Variants in PPP3CA observed in about 807,000 individuals in gnomAD.
The protein encoded by PPP3CA is CAM-PRP catalytic subunit.
In PPP3CA, 14 loss-of-function variants were observed where a neutral mutation model predicts 66.5. The ratio of observed to expected loss-of-function variants is 0.21; its 90% CI spans 0.14 to 0.33. The LOEUF (loss-of-function observed/expected upper bound fraction) is 0.33. PPP3CA is among the 10% of genes least tolerant of loss of function. The pLI is 1.00. For missense variants in PPP3CA, 317 were observed against 639.5 expected, an observed-to-expected ratio of 0.50 and a Z score of 5.44; for synonymous variants, 232 against 226.2, an observed-to-expected ratio of 1.03 and a Z score of -0.23.
At chr4:101,192,718 C>T (rs1383681171) in intron 2 of PPP3CA, among the ~76,000 whole-genome samples, 1 of 152,162 alleles carries the variant, frequency 6.6e-6, no homozygotes, top group East Asian at 1.9e-4. Context: ...TCTGTCAATA[C>T]TTTCTTGGCT....
chr4:101,298,012 G>A (rs917577940), intron 1 of PPP3CA, among the ~76,000 whole-genome samples: 6 of 152,062 alleles, frequency 3.9e-5, no homozygotes, highest in African/African-American at 1.5e-4. Context: ...CCTCATATTT[G>A]TGTCCCCTGG....
At chr4:101,295,923 T>A (rs1482650478) in intron 1 of PPP3CA, among the ~76,000 whole-genome samples, 1 of 152,216 alleles carries the variant, frequency 6.6e-6, no homozygotes, top group African/African-American at 2.4e-5. Context: ...CAACAAGTTA[T>A]GAACTTTAGA....
At position 101,074,580 on chromosome 4, in the gene PPP3CA, C is replaced by G. The variant is rs149201047; in HGVS notation, c.955+5952G>C. ...TCACATCATGACTGCCAACAAAATTCTTATGTTGGTTCATTACAGCAGCAA... is the reference window on the plus strand; with the variant it reads ...TCACATCATGACTGCCAACAAAATTGTTATGTTGGTTCATTACAGCAGCAA... On this transcript the variant is annotated intron_variant, in intron 8 of 13. Coordinates refer to ENST00000394854, the MANE Select transcript of PPP3CA (RefSeq NM_000944.5). 2.7e-3 allele frequency among the ~76,000 whole-genome samples: 405 copies of G among 152,268 alleles called. 12 individuals carry two copies. The highest frequency in any genetic ancestry group is 0.025 in the Admixed American group (381 of 15,294).
At chr4:101,340,137 T>C (rs754163304) in intron 1 of PPP3CA, among the ~76,000 whole-genome samples, 2 of 152,182 alleles carry the variant, frequency 1.3e-5, no homozygotes, top group African/African-American at 2.4e-5. Context: ...GTCATAATAT[T>C]GAGATAGCTT....
chr4:101,196,438 A>G (rs1724795108), intron 1 of PPP3CA, among the ~76,000 whole-genome samples: 1 of 152,196 alleles, frequency 6.6e-6, no homozygotes. Context: ...CAACTCTGTG[A>G]AAGAAAATAG....
At chr4:101,249,758 A>C (rs1726612379) in intron 1 of PPP3CA, among the ~76,000 whole-genome samples, 1 of 152,158 alleles carries the variant, frequency 6.6e-6, no homozygotes, top group South Asian at 2.1e-4. Flanking sequence ...TTATATTATC[A>C]ATCTCAGTTT....
chr4:101,315,993 C>T (rs912813126), intron 1 of PPP3CA, among the ~76,000 whole-genome samples: 2 of 152,020 alleles, frequency 1.3e-5, no homozygotes, highest in African/African-American at 4.8e-5. Context: ...AAAATGGCTG[C>T]CAGAGCTCCA....
intron 8 of PPP3CA, among the ~76,000 whole-genome samples, chr4:101,064,458 T>C (rs1728598351): frequency 6.6e-6 from 1 of 152,052 alleles, no homozygotes; most frequent in South Asian, 2.1e-4. Context: ...ATTCAGGGCA[T>C]AATTTGTATT....
chr4:101,223,007 C>T (rs1271307187), intron 1 of PPP3CA, among the ~76,000 whole-genome samples: 1 of 151,698 alleles, frequency 6.6e-6, no homozygotes, highest in East Asian at 1.9e-4. Context: ...TATTAATGCA[C>T]ATTACTTTCA....
chr4:101,093,769 T>C lies in PPP3CA; in HGVS notation c.782+7A>G, dbSNP rs767491954. 11 of 1,602,924 alleles carry C rather than the reference T, an allele frequency of 6.9e-6. No individual in the cohort carries two copies. The Admixed American group carries it at 8.5e-5, about 12-fold the overall frequency. ...CGTGTTCCAGAGAGCAAGTTCTCTA[T>C]TCTTACCTGTAGAAGTATGAACACC... On this transcript the variant is annotated splice_region_variant and intron_variant, in intron 6 of 13. Transcript: ENST00000394854.
chr4:101,053,937 T>C (rs1398620670), intron 10 of PPP3CA, among the ~76,000 whole-genome samples: 1 of 152,050 alleles, frequency 6.6e-6, no homozygotes, highest in Non-Finnish European at 1.5e-5. Flanking sequence ...TCCCTACTCA[T>C]CCTTTGTTCA....
intron 2 of PPP3CA, among the ~76,000 whole-genome samples, chr4:101,128,224 T>C (rs1320937352): frequency 6.6e-6 from 1 of 152,144 alleles, no homozygotes; most frequent in Admixed American, 6.5e-5. Flanking sequence ...CACTACAGGA[T>C]GACTAGAATT....
At chr4:101,175,526 C>T (rs1337572395) in intron 2 of PPP3CA, among the ~76,000 whole-genome samples, 1 of 152,074 alleles carries the variant, frequency 6.6e-6, no homozygotes, top group Non-Finnish European at 1.5e-5. Context: ...ATGTTTCTTC[C>T]AGCTGCAATG....
At chr4:101,187,522 A>G (rs1227815246) in intron 2 of PPP3CA, among the ~76,000 whole-genome samples, 1 of 152,152 alleles carries the variant, frequency 6.6e-6, no homozygotes, top group South Asian at 2.1e-4. Context: ...CCTTTGATAT[A>G]TATTTAATAA....
chr4:101,338,555 T>C (rs1260521815), intron 1 of PPP3CA, among the ~76,000 whole-genome samples: 1 of 152,228 alleles, frequency 6.6e-6, no homozygotes, highest in African/African-American at 2.4e-5. Flanking sequence ...TCTCTAGGAC[T>C]TTCCACCTCC....
intron 1 of PPP3CA, among the ~76,000 whole-genome samples, chr4:101,332,134 G>C (rs1441000282): frequency 6.6e-6 from 1 of 152,108 alleles, no homozygotes; most frequent in Non-Finnish European, 1.5e-5. Flanking sequence ...ACCAAGCATA[G>C]GAAACACAGG....
chr4:101,131,237 A>AAAACAAATAAAT (rs747123120), intron 2 of PPP3CA, among the ~76,000 whole-genome samples: 85 of 138,696 alleles, frequency 6.1e-4, no homozygotes, highest in African/African-American at 2.4e-3. Flanking sequence ...ACTCCGTCTC[A>AAAACAAATAAAT]AAATAAATAA....
At chr4:101,040,672 T>TC in intron 10 of PPP3CA, 106 bp from the exon 11 acceptor site, 1 of 865,834 alleles carries the variant, frequency 1.2e-6, no homozygotes, top group Non-Finnish European at 1.7e-6. Flanking sequence ...ATCAGTATTT[T>TC]TTTTTTTTCC....
At chr4:101,339,900 TGG>T (rs1330655471) in intron 1 of PPP3CA, among the ~76,000 whole-genome samples, 1 of 152,174 alleles carries the variant, frequency 6.6e-6, no homozygotes, top group Non-Finnish European at 1.5e-5. Flanking sequence ...TAGAAAGAAC[TGG>T]ACATTTTAAA....
Sources: allele counts gnomAD v4.1 joint callset (sites outside exome capture counted in the v4.1 genomes callset), GRCh38; gene constraint gnomAD v4.1.1; transcripts MANE v1.5; gene names NCBI Gene and HGNC (gene_info 2026-07-23, HGNC 2026-07-21).